The following CDK11A variants were observed in gnomAD, a reference collection of about 807,000 sequenced individuals.
The protein encoded by CDK11A is cyclin dependent kinase 11A, also known as cyclin-dependent kinase 11A.
A neutral mutation model predicts 83.6 loss-of-function variants in CDK11A; 55 were observed. The ratio of observed to expected loss-of-function variants is 0.66; its 90% CI spans 0.53 to 0.82. The LOEUF (loss-of-function observed/expected upper bound fraction) is 0.82. Among genes scored for constraint, CDK11A ranks in the 40% least tolerant of loss-of-function variants. The pLI, the probability that CDK11A is intolerant of heterozygous loss-of-function variation, is 0.00. For missense variants in CDK11A, 564 were observed against 810.1 expected (o/e 0.70, Z 3.69); for synonymous variants, 247 against 302.7 (o/e 0.82, Z 1.91).
rs1458092402 is a variant in CDK11A at position 1,713,076 on chromosome 1, C to T, written c.489-676G>A. ...TCGGCTCACTGCAACCTCCATCTCACGAGTTCAAGTGATTCTCATACCTGA... is the reference window on the plus strand; with the variant it reads ...TCGGCTCACTGCAACCTCCATCTCATGAGTTCAAGTGATTCTCATACCTGA... On this transcript the variant is annotated intron_variant, in intron 5 of 19. Coordinates refer to ENST00000404249, the MANE Select transcript of CDK11A (RefSeq NM_024011.4). Among the ~76,000 whole-genome samples, 2 of 40,958 alleles carry T rather than the reference C, an allele frequency of 4.9e-5. 1 individual carries two copies. Among genetic ancestry groups the T allele is most frequent in the African/African-American group, 8.3e-5 (2 of 24,028 alleles). The allele number at this position is 40,958 out of a possible 152,430, so 26.9% of individuals were successfully genotyped here.
intron 5 of CDK11A, among the ~76,000 whole-genome samples, chr1:1,714,914 C>T (rs1644581599): frequency 6.7e-6 from 1 of 149,446 alleles, no homozygotes; most frequent in Non-Finnish European, 1.5e-5. Flanking sequence ...CACTGTACTT[C>T]ATTCTAGCAG....
chr1:1,702,804 C>A lies in CDK11A; in HGVS notation c.*103G>T, dbSNP rs1644134726. 1 of 497,896 alleles carries A rather than the reference C, an allele frequency of 2.0e-6. No homozygotes were observed. Among genetic ancestry groups the A allele is most frequent in the African/African-American group, 2.0e-5 (1 of 49,598 alleles). The allele number at this position is 497,896 out of a possible 1,614,324, so 30.8% of individuals were successfully genotyped here. ...AAATACAAAAACAAAACATGGAGCA[C>A]AAAGTAAGACGAGGAGTTCCGAGTC... On this transcript the variant is annotated 3_prime_UTR_variant, in exon 20 of 20. Coordinates refer to ENST00000404249, the MANE Select transcript of CDK11A (RefSeq NM_024011.4).
At position 1,719,405 on chromosome 1, in the gene CDK11A, C is replaced by T. The variant is rs200755605; in HGVS notation, c.278G>A (p.Arg93Gln). ...TTTTCTGTGATGAACTTTTTCTTTC[C>T]GAGACATTTGCTGGGGTGGTTTGAT... is the stretch of plus-strand genomic sequence containing the variant. The part of the protein sequence containing the change: ...LAIKPPQQMS[R>Q]KEKVHHRKDE... The change falls in exon 4 of 20, where the codon CGG becomes CAG. Residue 93 changes from arginine to glutamine, a missense_variant. Arg to Gln is a conservative substitution (Grantham distance 43). Coordinates refer to ENST00000404249, the MANE Select transcript of CDK11A (RefSeq NM_024011.4). 169 of 1,537,182 alleles carry T rather than the reference C, an allele frequency of 1.1e-4. 8 individuals carry two copies. In the African/African-American group the frequency reaches 2.2e-3, roughly 20 times the overall value.
chr1:1,722,932 A>C, intron 1 of CDK11A, 101 bp from the exon 2 acceptor site: 4 of 455,130 alleles, frequency 8.8e-6, no homozygotes, highest in Non-Finnish European at 1.4e-5. Flanking sequence ...ATAAATCCTC[A>C]TTAAGAATAA....
chr1:1,718,295 T>G (rs374895262), intron 4 of CDK11A, among the ~76,000 whole-genome samples: 1 of 132,776 alleles, frequency 7.5e-6, no homozygotes, highest in Non-Finnish European at 1.6e-5. Flanking sequence ...GACACACGCA[T>G]GCTTTCAGCT....
At chr1:1,704,202 G>A (rs1033080656) in intron 15 of CDK11A, 21 bp downstream of exon 15, 6 of 1,608,098 alleles carry the variant, frequency 3.7e-6, no homozygotes, top group East Asian at 2.2e-5. Flanking sequence ...CCTGGGATGG[G>A]CCACTCGGAG....
At chr1:1,721,881 T>G in intron 2 of CDK11A, 170 bp from the exon 3 acceptor site, 1 of 812,326 alleles carries the variant, frequency 1.2e-6, no homozygotes, top group Non-Finnish European at 1.7e-6. Context: ...CCAGGTGCAG[T>G]GGCTCACGCT....
intron 3 of CDK11A, among the ~76,000 whole-genome samples, chr1:1,721,148 G>C (rs1644889693): frequency 1.3e-5 from 2 of 150,352 alleles, no homozygotes; most frequent in Non-Finnish European, 3.0e-5. Flanking sequence ...AGCCGAGATG[G>C]CGCCACTGCA....
rs771596383 is a variant in CDK11A, at chr1:1,719,401, T to C, written c.282A>G (p.Lys94=). 8 of 1,537,506 alleles carry C rather than the reference T, an allele frequency of 5.2e-6. No individual in the cohort carries two copies. The East Asian group carries it at 1.9e-4, about 37-fold the overall frequency. The stretch of plus-strand genomic sequence containing the variant: ...CATCTTTTCTGTGATGAACTTTTTC[T>C]TTCCGAGACATTTGCTGGGGTGGTT... ...AIKPPQQMSR[K]EKVHHRKDEK... The change falls in exon 4 of 20, where the codon AAA becomes AAG. Residue 94 remains lysine (K), a synonymous_variant. Coordinates refer to ENST00000404249, the MANE Select transcript of CDK11A (RefSeq NM_024011.4).
At chr1:1,718,696 G>A (rs1435561082) in intron 4 of CDK11A, among the ~76,000 whole-genome samples, 1 of 149,300 alleles carries the variant, frequency 6.7e-6, no homozygotes, top group East Asian at 2.0e-4. Context: ...GTGTGCAGTG[G>A]TGCGATAGCG....
At chr1:1,712,501 GTTTTT>G in intron 5 of CDK11A, 101 bp from the exon 6 acceptor site, 8 of 384,626 alleles carry the variant, frequency 2.1e-5, no homozygotes, top group Non-Finnish European at 3.9e-5. Flanking sequence ...AATCCGTGAA[GTTTTT>G]TTTTCATTTT....
chr1:1,703,668 A>G (rs1373284865), intron 17 of CDK11A, 44 bp from the exon 18 acceptor site: 2 of 1,569,636 alleles, frequency 1.3e-6, no homozygotes, highest in East Asian at 2.3e-5. Flanking sequence ...AGTGGCCCAC[A>G]GTGTTGGCAC....
At chr1:1,707,802 G>C (rs568748230) in intron 10 of CDK11A, among the ~76,000 whole-genome samples, 2 of 136,110 alleles carry the variant, frequency 1.5e-5, no homozygotes, top group Non-Finnish European at 3.1e-5. Flanking sequence ...AGGAGGCGTC[G>C]GGTGTCATGT....
rs1175699833 is a variant in CDK11A, at chr1:1,720,084, A to G, written c.228-629T>C. ...ACATCACATCTTATTTATTTAATTT[A>G]ATTTTATTTATTTATTTATTTTATT... On this transcript the variant is annotated intron_variant, in intron 3 of 19. Coordinates refer to ENST00000404249, the MANE Select transcript of CDK11A (RefSeq NM_024011.4). 6.0e-5 allele frequency among the ~76,000 whole-genome samples: 9 copies of G among 150,230 alleles called. 1 individual carries two copies. Among genetic ancestry groups the G allele is most frequent in the Admixed American group, 2.7e-4 (4 of 14,972 alleles).
rs2377231 is a variant in CDK11A at position 1,704,534 on chromosome 1, C to T, written c.1564+16G>A. ...CCCCACTTGTACGCAGACAGGACCC[C>T]GGGGCGCGGCTGTACCTGGCAGGAA... On this transcript the variant is annotated intron_variant, in intron 14 of 19. Transcript: ENST00000404249. 804 of 1,602,166 alleles carry T rather than the reference C, an allele frequency of 5.0e-4. 35 individuals carry two copies. The highest frequency in any genetic ancestry group is 4.7e-3 in the African/African-American group (349 of 74,048).
chr1:1,721,558 T>G (rs774681561), intron 3 of CDK11A, 38 bp downstream of exon 3: 1 of 1,592,216 alleles, frequency 6.3e-7, no homozygotes, highest in Non-Finnish European at 8.6e-7. Flanking sequence ...GCCAGGGCTG[T>G]GTACAGTTGG....
chr1:1,722,001 A>G (rs1380796395), intron 2 of CDK11A: 2 of 281,142 alleles, frequency 7.1e-6, no homozygotes, highest in African/African-American at 4.5e-5. Context: ...AATACAAAAA[A>G]TTAGCTTGGC....
chr1:1,703,613 G>T lies in CDK11A; in HGVS notation c.1923C>A (p.Thr641=), dbSNP rs185758913. ...AGCCGGGCCAGATTTTCTCACTGGG[G>T]GTCCCCAGCTCCTGAAAGACAGAGG... ...QINKVFKELG[T]PSEKIWPGYS... is the part of the protein sequence containing the mutation. Residue 641 remains threonine, a synonymous_variant, in exon 18 of 20, where the codon ACC becomes ACA. Coordinates refer to ENST00000404249, the MANE Select transcript of CDK11A (RefSeq NM_024011.4). The T allele has an allele frequency of 3.8e-6, 6 of 1,597,738 alleles. No homozygotes were observed. In the Admixed American group the frequency reaches 6.9e-5, roughly 18 times the overall value.
chr1:1,722,141 G>A (rs1196211662), intron 2 of CDK11A, among the ~76,000 whole-genome samples: 1 of 151,020 alleles, frequency 6.6e-6, no homozygotes, highest in African/African-American at 2.4e-5. Flanking sequence ...GTGAGCACAT[G>A]CTATTGGAAA....
Sources: allele counts gnomAD v4.1 joint callset (sites outside exome capture counted in the v4.1 genomes callset), GRCh38; gene constraint gnomAD v4.1.1; transcripts MANE v1.5; gene names NCBI Gene and HGNC (gene_info 2026-07-23, HGNC 2026-07-21).